The following ZNHIT3 variants were observed in gnomAD, a reference collection of about 807,000 sequenced individuals.
The protein encoded by ZNHIT3 is zinc finger HIT-type containing 3.
In ZNHIT3, 27 loss-of-function variants were observed where a neutral mutation model predicts 19.9. The ratio of observed to expected loss-of-function variants is 1.36; its 90% confidence interval spans 1.00 to 1.87. ZNHIT3 has a LOEUF of 1.87. Ranked by LOEUF, ZNHIT3 falls within the 40% of genes most tolerant of loss-of-function variation. ZNHIT3 has a pLI of 0.00. For missense variants in ZNHIT3, 215 were observed against 185.6 expected (o/e 1.16, Z -0.92); for synonymous variants, 81 against 65.7 (o/e 1.23, Z -1.13).
At chr17:36,498,790 A>G, downstream of ZNHIT3, 3 of 599,516 alleles carry the variant, frequency 5.0e-6, no homozygotes, top group Non-Finnish European at 8.9e-6. Flanking sequence ...ATAAGAGTCC[A>G]TCAAGATATA....
At chr17:36,499,128 G>C, downstream of ZNHIT3, 1 of 1,609,834 alleles carries the variant, frequency 6.2e-7, no homozygotes, top group Non-Finnish European at 8.5e-7. Flanking sequence ...TGCAGCCTCT[G>C]GATGTGTTTC....
At chr17:36,491,420 C>T (rs1419636272) in intron 2 of ZNHIT3, 5 of 151,554 alleles carry the variant, frequency 3.3e-5, no homozygotes, top group Non-Finnish European at 5.9e-5. Flanking sequence ...CACCCTTGGC[C>T]TCCTGGGCCC....
In ZNHIT3 at chr17:36,486,755, A is replaced by G; in HGVS notation, c.56A>G (p.Lys19Arg). 6.2e-7 allele frequency: 1 copy of G among 1,613,652 alleles called. No individual in the cohort carries two copies. ...VVCVICLEKP[K>R]YRCPACRVPY... The stretch of plus-strand genomic sequence containing the variant: ...TGCGTGATCTGCTTGGAGAAGCCCA[A>G]ATACCGCTGTCCAGCCTGCCGCGTG... The change falls in exon 1 of 5, where the codon AAA becomes AGA. Residue 19 changes from lysine (K) to arginine (R), a missense_variant. Coordinates refer to ENST00000617429, the MANE Select transcript of ZNHIT3 (RefSeq NM_004773.4).
downstream of ZNHIT3, chr17:36,498,690 C>T: frequency 9.5e-7 from 1 of 1,056,462 alleles, no homozygotes; most frequent in Non-Finnish European, 1.3e-6. Flanking sequence ...AAACAGCTGG[C>T]TGCCCTGAAC....
downstream of ZNHIT3, chr17:36,497,792 C>G (rs1423171368): frequency 1.9e-5 from 3 of 155,614 alleles, no homozygotes; most frequent in East Asian, 5.7e-4. Context: ...GCCATGTTGG[C>G]CAGGCTGGTC....
chr17:36,498,439 G>A (rs368292066), downstream of ZNHIT3: 25 of 1,613,866 alleles, frequency 1.5e-5, no homozygotes, highest in South Asian at 4.4e-5. Context: ...GGCCAGAGGC[G>A]GATTATTGCC....
intron 3 of ZNHIT3, chr17:36,493,229 G>C: frequency 2.6e-6 from 1 of 378,492 alleles, no homozygotes; most frequent in Non-Finnish European, 4.8e-6. Flanking sequence ...ATCTGGCTGG[G>C]ACTGTCAGTT....
downstream of ZNHIT3, chr17:36,496,120 G>C: frequency 1.6e-6 from 2 of 1,287,448 alleles, no homozygotes; most frequent in Admixed American, 2.0e-5. Context: ...TGGGTCGAAG[G>C]CTGGAGCCGT....
downstream of ZNHIT3, among the ~76,000 whole-genome samples, chr17:36,497,057 C>T (rs771792806): frequency 3.9e-5 from 6 of 151,948 alleles, no homozygotes; most frequent in Non-Finnish European, 8.8e-5. Context: ...CAGCTGGGCA[C>T]GGTGGCTCAC....
At chr17:36,499,115 G>C, downstream of ZNHIT3, 1 of 1,610,436 alleles carries the variant, frequency 6.2e-7, no homozygotes, top group Non-Finnish European at 8.5e-7. Flanking sequence ...TGTGGCAGCT[G>C]CATGCAGCCT....
At position 36,492,818 on chromosome 17, in the gene ZNHIT3, T is replaced by C. The variant is rs963310007; in HGVS notation, c.124T>C (p.Cys42Arg). ...GGGATTTGTGTCTTTTTCAGAACAG[T>C]GCAACCCTGAAACTCGTCCTGTTGA... is the stretch of plus-strand genomic sequence containing the variant. ...VVCFRKHKEQCNPETRPVEKK... is the reference protein window; with the variant it reads ...VVCFRKHKEQRNPETRPVEKK... Residue 42 changes from cysteine to arginine, a missense_variant, in exon 3 of 5, where the codon TGC (cysteine) becomes CGC (arginine). Cys to Arg is a radical substitution (Grantham distance 180). Transcript: ENST00000617429. The C allele has an allele frequency of 6.2e-7, 1 of 1,613,966 alleles. No individual in the cohort carries two copies. The highest frequency in any genetic ancestry group is 8.5e-7 in the Non-Finnish European group (1 of 1,179,990).
At chr17:36,488,047 A>G (rs1421982577) in intron 2 of ZNHIT3, among the ~76,000 whole-genome samples, 2 of 145,488 alleles carry the variant, frequency 1.4e-5, no homozygotes, top group Non-Finnish European at 3.0e-5. Context: ...GCAGTGAGCC[A>G]GGATCGTACC....
chr17:36,492,685 T>C (rs1345678898), intron 2 of ZNHIT3, 128 bp from the exon 3 acceptor site: 16 of 767,660 alleles, frequency 2.1e-5, no homozygotes, highest in African/African-American at 3.5e-5. Flanking sequence ...TCTTCCACAT[T>C]CCTGGGCACC....
chr17:36,498,467 C>A (rs756598425), downstream of ZNHIT3: 3 of 1,614,052 alleles, frequency 1.9e-6, no homozygotes, highest in Non-Finnish European at 2.5e-6. Context: ...GCCTGGTCTG[C>A]AGCGGCGAGG....
rs55781212 is a variant in ZNHIT3, at chr17:36,489,019, C to T, written c.118+2053C>T. 5 of 152,238 alleles carry T rather than the reference C, an allele frequency of 3.3e-5. No homozygotes were observed. In the South Asian group the frequency reaches 1.0e-3, roughly 32 times the overall value. The allele number at this position is 152,238 out of a possible 1,614,324, so 9.4% of individuals were successfully genotyped here. A position where few individuals can be genotyped will look rare whatever the true frequency, so the allele number is the denominator to read the frequency against. On this transcript the variant is annotated intron_variant, in intron 2 of 4. Coordinates refer to ENST00000617429, the MANE Select transcript of ZNHIT3 (RefSeq NM_004773.4). ...GTTACCACTATTCTGCTCTCTACTT[C>T]TGTGAAATCAACTTGCTTAGCATCC...
chr17:36,496,076 C>T (rs2070938467), downstream of ZNHIT3: 7 of 923,496 alleles, frequency 7.6e-6, no homozygotes, highest in East Asian at 1.5e-4. Flanking sequence ...TAGCCTGGAA[C>T]CCCAGGCCCA....
downstream of ZNHIT3, chr17:36,499,106 G>T: frequency 6.2e-7 from 1 of 1,610,756 alleles, no homozygotes; most frequent in Non-Finnish European, 8.5e-7. Context: ...CTTGATGACT[G>T]TGGCAGCTGC....
chr17:36,496,340 G>A (rs769482440), downstream of ZNHIT3: 55 of 1,613,888 alleles, frequency 3.4e-5, no homozygotes, highest in East Asian at 1.2e-3. Context: ...ATGCTGTAGG[G>A]TGAAGGTTCA....
At chr17:36,496,483 G>A (rs1039191355), downstream of ZNHIT3, 26 of 1,414,704 alleles carry the variant, frequency 1.8e-5, no homozygotes, top group East Asian at 1.9e-4. Context: ...CAGAGCAGAC[G>A]CTAAAAATGC....
Sources: gnomAD v4.1 joint callset for allele counts (sites outside exome capture counted in the v4.1 genomes callset) on GRCh38, gnomAD v4.1.1 for gene constraint, MANE v1.5 for transcripts, NCBI Gene and HGNC (gene_info 2026-07-23, HGNC 2026-07-21) for gene names.